Variants in IL1RAPL1 observed in about 807,000 individuals in gnomAD.
IL1RAPL1 encodes the protein interleukin 1 receptor accessory protein like 1.
A neutral mutation model predicts 48.4 loss-of-function variants in IL1RAPL1; 3 were observed. The ratio of observed to expected loss-of-function variants is 0.06; its 90% CI spans 0.03 to 0.16. The LOEUF is 0.16. Among genes scored for constraint, IL1RAPL1 ranks in the 10% least tolerant of loss-of-function variants. The pLI is 1.00. For synonymous variants in IL1RAPL1, 185 were observed against 187.7 expected, an observed-to-expected ratio of 0.99 and a Z score of 0.12; for missense variants, 349 against 530.6, an observed-to-expected ratio of 0.66 and a Z score of 3.36.
intron 3 of IL1RAPL1, among the ~76,000 whole-genome samples, chrX:29,385,570 C>A (rs1933765803): frequency 8.9e-6 from 1 of 112,780 alleles, no homozygotes. Flanking sequence ...ATTTACTTAT[C>A]CTAGGGACCT....
rs773846336 is a variant in IL1RAPL1 at position 29,504,460 on chromosome X, A to T, written c.703+105152A>T. 7.1e-5 allele frequency among the ~76,000 whole-genome samples: 8 copies of T among 111,889 alleles called. No homozygotes were observed. The East Asian group carries it at 2.2e-3, about 31-fold the overall frequency. ...GAATCCCATACTTTTGTTTTATTGC[A>T]GTCCATCTCTCCTTTTAAATCTATT... is the stretch of plus-strand genomic sequence containing the variant. On this transcript the variant is annotated intron_variant, in intron 5 of 10. Transcript: ENST00000378993.
rs549088099 is a variant in IL1RAPL1 at position 29,225,723 on chromosome X, T to C, written c.83-57215T>C. Among the ~76,000 whole-genome samples, 8 of 111,445 alleles carry C rather than the reference T, an allele frequency of 7.2e-5. No individual in the cohort carries two copies. In the South Asian group the frequency reaches 2.7e-3, roughly 37 times the overall value. Reference sequence around the variant, plus strand: ...ACCTGTGTTTGCTAATGGTACCTTATCAAAGTTAGGCTCCTACACTCCTAT... The same window carrying C: ...ACCTGTGTTTGCTAATGGTACCTTACCAAAGTTAGGCTCCTACACTCCTAT... On this transcript the variant is annotated intron_variant, in intron 2 of 10. Transcript: ENST00000378993.
intron 2 of IL1RAPL1, among the ~76,000 whole-genome samples, chrX:28,916,856 T>C (rs185627306): frequency 8.9e-6 from 1 of 112,560 alleles, no homozygotes; most frequent in East Asian, 2.8e-4. Context: ...CTCTGTTTTT[T>C]AAAACTAACA....
intron 5 of IL1RAPL1, among the ~76,000 whole-genome samples, chrX:29,449,738 T>TACACAC (rs539577442): frequency 7.0e-4 from 45 of 63,903 alleles, no homozygotes; most frequent in Non-Finnish European, 1.0e-3. Flanking sequence ...TACATATGCA[T>TACACAC]ACACACACAC....
intron 5 of IL1RAPL1, among the ~76,000 whole-genome samples, chrX:29,620,190 A>C (rs2147073821): frequency 8.9e-6 from 1 of 112,010 alleles, no homozygotes; most frequent in Non-Finnish European, 1.9e-5. Context: ...CACCTCCAAT[A>C]AACCTAAATG....
At chrX:28,743,178 A>T (rs1334915651) in intron 1 of IL1RAPL1, among the ~76,000 whole-genome samples, 1 of 111,198 alleles carries the variant, frequency 9.0e-6, no homozygotes, top group Non-Finnish European at 1.9e-5. Context: ...TCTATTTTCA[A>T]AGTAGAATTT....
At chrX:28,962,814 G>T (rs1478477042) in intron 2 of IL1RAPL1, among the ~76,000 whole-genome samples, 2 of 108,936 alleles carry the variant, frequency 1.8e-5, no homozygotes, top group Admixed American at 2.0e-4. Flanking sequence ...TCAGAATTTG[G>T]TATCCGTGGG....
intron 5 of IL1RAPL1, among the ~76,000 whole-genome samples, chrX:29,499,653 C>T (rs1033443653): frequency 6.3e-5 from 7 of 111,493 alleles, no homozygotes; most frequent in African/African-American, 1.6e-4. Flanking sequence ...TCTCTAATCC[C>T]GGTACAACTG....
At chrX:29,374,604 A>T (rs1933595939) in intron 3 of IL1RAPL1, among the ~76,000 whole-genome samples, 1 of 109,457 alleles carries the variant, frequency 9.1e-6, no homozygotes, top group South Asian at 4.0e-4. Flanking sequence ...ATGCCGTACA[A>T]AGATTGTATG....
At chrX:29,240,395 C>T (rs763014027) in intron 2 of IL1RAPL1, among the ~76,000 whole-genome samples, 2 of 105,547 alleles carry the variant, frequency 1.9e-5, no homozygotes, top group African/African-American at 3.5e-5. Context: ...CCACCTCACC[C>T]GGCTAATTTT....
At position 28,742,408 on chromosome X, in the gene IL1RAPL1, G is replaced by A. The variant is rs186647468; in HGVS notation, c.-24-46912G>A. Among the ~76,000 whole-genome samples, 27 of 111,507 alleles carry A rather than the reference G, an allele frequency of 2.4e-4. No homozygotes were observed. In the East Asian group the frequency reaches 3.9e-3, roughly 16 times the overall value. ...CCTGCATATGTTAGGCATTGTAATT[G>A]ATAATAGGAATACAAAGATGAAAAT... On this transcript the variant is annotated intron_variant, in intron 1 of 10. Transcript: ENST00000378993.
chrX:29,336,515 CCT>C (rs1932999264), intron 3 of IL1RAPL1, among the ~76,000 whole-genome samples: 1 of 108,952 alleles, frequency 9.2e-6, no homozygotes, highest in African/African-American at 3.3e-5. Flanking sequence ...AGTGCCTTTT[CCT>C]CAGGGATTCC....
chrX:29,686,993 A>C (rs753778521), intron 6 of IL1RAPL1, among the ~76,000 whole-genome samples: 182 of 109,998 alleles, frequency 1.7e-3, no homozygotes, highest in Non-Finnish European at 2.4e-3. Context: ...AAAAAAAAAA[A>C]CAAAAGATAA....
At chrX:28,738,176 T>TTA in intron 1 of IL1RAPL1, among the ~76,000 whole-genome samples, 1 of 101,658 alleles carries the variant, frequency 9.8e-6, no homozygotes, top group East Asian at 2.9e-4. Context: ...TCTCTTTTTT[T>TTA]AAAAAAAAAA....
chrX:29,023,490 A>T (rs576722292), intron 2 of IL1RAPL1, among the ~76,000 whole-genome samples: 9 of 112,765 alleles, frequency 8.0e-5, no homozygotes, highest in African/African-American at 2.9e-4. Flanking sequence ...TTCTAAAGTG[A>T]TTGCTTTATG....
At chrX:29,782,887 CATT>C (rs1189229840) in intron 6 of IL1RAPL1, among the ~76,000 whole-genome samples, 66 of 59,846 alleles carry the variant, frequency 1.1e-3, no homozygotes, top group African/African-American at 3.9e-3. Flanking sequence ...TTGATCGTGA[CATT>C]TTTTTTTTTT....
chrX:29,688,807 C>T (rs1926700926), intron 6 of IL1RAPL1, among the ~76,000 whole-genome samples: 1 of 88,537 alleles, frequency 1.1e-5, no homozygotes, highest in Admixed American at 1.4e-4. Flanking sequence ...GTGTGTTGTG[C>T]TTTGTGGTCT....
chrX:29,946,537 G>A (rs1260835129), intron 9 of IL1RAPL1, among the ~76,000 whole-genome samples: 7 of 112,365 alleles, frequency 6.2e-5, no homozygotes, highest in Non-Finnish European at 1.1e-4. Flanking sequence ...CACAATAAAA[G>A]GAAAGAAAGT....
chrX:29,047,205 C>T (rs1422403510), intron 2 of IL1RAPL1, among the ~76,000 whole-genome samples: 1 of 112,526 alleles, frequency 8.9e-6, no homozygotes, highest in African/African-American at 3.2e-5. Flanking sequence ...CTTGTCTCTA[C>T]ATGATGTGTT....
Sources: allele counts gnomAD v4.1 joint callset (sites outside exome capture counted in the v4.1 genomes callset), GRCh38; gene constraint gnomAD v4.1.1; transcripts MANE v1.5; gene names NCBI Gene and HGNC (gene_info 2026-07-23, HGNC 2026-07-21).